Variants in PBRM1 observed in about 807,000 individuals in gnomAD.
The protein encoded by PBRM1 is protein polybromo-1.
In PBRM1, 27 loss-of-function variants were observed where a neutral mutation model predicts 194.5. That is an observed-to-expected ratio of 0.14 (90% confidence interval 0.10 to 0.19). PBRM1 has a LOEUF of 0.19. PBRM1 is among the 10% of genes least tolerant of loss of function. PBRM1 has a pLI of 1.00. For synonymous variants in PBRM1, 655 were observed against 693.2 expected (o/e 0.94, Z 0.87); for missense variants, 1,466 against 2,077.2 (o/e 0.71, Z 5.72).
At chr3:52,636,267 G>T (rs1424083323) in intron 10 of PBRM1, among the ~76,000 whole-genome samples, 1 of 152,032 alleles carries the variant, frequency 6.6e-6, no homozygotes, top group African/African-American at 2.4e-5. Context: ...CCCTTGCTGA[G>T]GGAATTTTTA....
intron 5 of PBRM1, among the ~76,000 whole-genome samples, chr3:52,654,184 A>G (rs542387132): frequency 6.6e-6 from 1 of 152,302 alleles, no homozygotes; most frequent in African/African-American, 2.4e-5. Flanking sequence ...ACCCTACTGA[A>G]GCCCACGCAG....
chr3:52,589,021 CA>C, intron 18 of PBRM1, 48 bp downstream of exon 20: 2 of 1,386,590 alleles, frequency 1.4e-6, no homozygotes, highest in South Asian at 2.4e-5. Flanking sequence ...AAGGAGAAGT[CA>C]AACAGTCATA....
intron 13 of PBRM1, among the ~76,000 whole-genome samples, chr3:52,621,958 A>C (rs1373625006): frequency 1.3e-5 from 2 of 152,102 alleles, no homozygotes; most frequent in Admixed American, 1.3e-4. Flanking sequence ...AGGTGGGAGG[A>C]TTGTTTGAAC....
chr3:52,625,219 T>C (rs1276570570), intron 13 of PBRM1, among the ~76,000 whole-genome samples: 1 of 152,170 alleles, frequency 6.6e-6, no homozygotes, highest in African/African-American at 2.4e-5. Flanking sequence ...TCAAGTCAAG[T>C]GGTACTTGGA....
At chr3:52,597,229 T>C (rs1463622596) in intron 17 of PBRM1, among the ~76,000 whole-genome samples, 3 of 152,342 alleles carry the variant, frequency 2.0e-5, no homozygotes, top group East Asian at 1.9e-4. Flanking sequence ...TTCAGAGATA[T>C]GAAGTTAAAA....
intron 2 of PBRM1, among the ~76,000 whole-genome samples, chr3:52,672,491 CTTTTTTTTTTTT>C (rs34792299): frequency 5.8e-5 from 6 of 103,862 alleles, no homozygotes; most frequent in Non-Finnish European, 1.2e-4. Context: ...TTTTTTTTGG[CTTTTTTTTTTTT>C]TTTTTTTTGA....
chr3:52,574,029 T>C (rs1159411281), intron 22 of PBRM1, among the ~76,000 whole-genome samples: 1 of 152,248 alleles, frequency 6.6e-6, no homozygotes, highest in Non-Finnish European at 1.5e-5. Context: ...TAGCTTGGAA[T>C]TCCCTTGGTG....
intron 2 of PBRM1, among the ~76,000 whole-genome samples, chr3:52,672,280 T>C (rs754469401): frequency 3.9e-5 from 6 of 152,122 alleles, no homozygotes; most frequent in Non-Finnish European, 8.8e-5. Flanking sequence ...ACCCTTGTGA[T>C]TACACTGGAC....
intron 11 of PBRM1, among the ~76,000 whole-genome samples, chr3:52,632,359 G>A (rs1445449276): frequency 6.6e-6 from 1 of 152,066 alleles, no homozygotes; most frequent in Non-Finnish European, 1.5e-5. Flanking sequence ...TGAGGTGAGA[G>A]GATTATTTAA....
At chr3:52,610,135 A>G (rs1449640137) in intron 15 of PBRM1, among the ~76,000 whole-genome samples, 180 bp from the exon 18 acceptor site, 1 of 152,212 alleles carries the variant, frequency 6.6e-6, no homozygotes, top group Non-Finnish European at 1.5e-5. Context: ...AACTGTTTTC[A>G]GTAATTATAT....
chr3:52,651,724 T>C lies in PBRM1; in HGVS notation c.714+18A>G. The C allele has an allele frequency of 6.8e-7, 1 of 1,468,666 alleles. No individual in the cohort carries two copies. Among genetic ancestry groups the C allele is most frequent in the Non-Finnish European group, 9.4e-7 (1 of 1,061,890 alleles). 91.0% of individuals were successfully genotyped at this position (1,468,666 alleles called of 1,614,324 possible). ...TCTGCTCTAAACCACAATCATTTAC[T>C]TATGGTCATCTTCATACCTGTATCC... On this transcript the variant is annotated intron_variant, in intron 6 of 29. Transcript: ENST00000296302.
chr3:52,644,404 G>A (rs1486973255), intron 8 of PBRM1, among the ~76,000 whole-genome samples: 1 of 148,420 alleles, frequency 6.7e-6, no homozygotes, highest in Non-Finnish European at 1.5e-5. Context: ...TTTTTTTTTT[G>A]AGACCGAGTC....
intron 17 of PBRM1, among the ~76,000 whole-genome samples, chr3:52,593,270 T>TA (rs944682609): frequency 1.3e-5 from 2 of 152,050 alleles, no homozygotes; most frequent in Admixed American, 1.3e-4. Context: ...TTTTTTTTTT[T>TA]AAACAAGAGT....
chr3:52,554,775 G>A (rs1429210453), exon 27 of PBRM1: 2 of 1,583,136 alleles, frequency 1.3e-6, no homozygotes, highest in African/African-American at 2.7e-5. Flanking sequence ...AGATGGTGGG[G>A]TGGAGGCCCC....
In PBRM1 at chr3:52,678,483, A is replaced by G. The variant is rs1478903948; in HGVS notation, c.236+17T>C. The G allele has an allele frequency of 6.5e-7, 1 of 1,529,226 alleles. No individual in the cohort carries two copies. The highest frequency in any genetic ancestry group is 9.1e-7 in the Non-Finnish European group (1 of 1,102,568). The allele number at this position is 1,529,226 out of a possible 1,614,324, so 94.7% of individuals were successfully genotyped here. ...GACCAAATCCCCCGCAACTGTACTG[A>G]TGTGCTTCGAACTCACCTTCGCTTT... On this transcript the variant is annotated intron_variant, in intron 2 of 29. Coordinates refer to ENST00000296302, the Ensembl canonical transcript of PBRM1.
At chr3:52,572,701 C>A (rs1237115050) in intron 22 of PBRM1, among the ~76,000 whole-genome samples, 1 of 152,096 alleles carries the variant, frequency 6.6e-6, no homozygotes, top group Non-Finnish European at 1.5e-5. Flanking sequence ...TAAATGAAAA[C>A]AATTCTTCAA....
intron 17 of PBRM1, among the ~76,000 whole-genome samples, chr3:52,594,021 T>C (rs918122712): frequency 3.4e-4 from 52 of 152,122 alleles, no homozygotes; most frequent in African/African-American, 1.2e-3. Context: ...GTACCGTCAG[T>C]TGGGTATTAA....
chr3:52,678,546 G>C, exon 2 of PBRM1: 1 of 1,613,562 alleles, frequency 6.2e-7, no homozygotes, highest in Non-Finnish European at 8.5e-7. Context: ...AGTCTGCCCT[G>C]TTCATCCTTA....
chr3:52,572,767 T>C (rs2087858063), intron 22 of PBRM1, among the ~76,000 whole-genome samples: 1 of 152,248 alleles, frequency 6.6e-6, no homozygotes, highest in South Asian at 2.1e-4. Flanking sequence ...CCTTTGTATG[T>C]AACAGAAGAT....
Sources: gnomAD v4.1 joint callset for allele counts (sites outside exome capture counted in the v4.1 genomes callset) on GRCh38, gnomAD v4.1.1 for gene constraint, MANE v1.5 for transcripts, NCBI Gene and HGNC (gene_info 2026-07-23, HGNC 2026-07-21) for gene names.